The following EDDM13 variants were observed in gnomAD, a reference collection of about 807,000 sequenced individuals.
The protein encoded by EDDM13 is epididymal protein 13.
Under a neutral mutation model 17.8 loss-of-function variants are expected in EDDM13, and 24 were observed. The ratio of observed to expected loss-of-function variants is 1.35; its 90% CI spans 0.98 to 1.90. The LOEUF (loss-of-function observed/expected upper bound fraction) is 1.90, where lower values mean the gene tolerates loss of function less well. EDDM13 is among the 40% of genes most tolerant of loss of function. EDDM13 has a pLI of 0.00. For synonymous variants in EDDM13, 31 were observed against 37.5 expected, an observed-to-expected ratio of 0.83 and a Z score of 0.63; for missense variants, 97 against 100.8, an observed-to-expected ratio of 0.96 and a Z score of 0.16.
At position 56,302,003 on chromosome 19, in the gene EDDM13, C is replaced by G; in HGVS notation, c.331C>G (p.Pro111Ala). 8.1e-7 allele frequency: 1 copy of G among 1,232,076 alleles called. No homozygotes were observed. Among genetic ancestry groups the G allele is most frequent in the Non-Finnish European group, 1.0e-6 (1 of 988,282 alleles). The allele number at this position is 1,232,076 out of a possible 1,614,324, so 76.3% of individuals were successfully genotyped here. Residue 111 changes from proline to alanine, a missense_variant, in exon 13 of 15, where the codon CCA becomes GCA. Coordinates refer to ENST00000649256, the MANE Select transcript of EDDM13 (RefSeq NM_001354658.2). The part of the protein sequence containing the change: ...PFSGTTPSRK[P>A]LPKRKNTWNF... ...CTCAGGCACCACCCCATCCAGGAAA[C>G]CACTCCCCAAGAGGAAGAACACGTG...
intron 6 of EDDM13, among the ~76,000 whole-genome samples, chr19:56,286,952 G>A (rs1016162682): frequency 5.3e-5 from 8 of 152,204 alleles, no homozygotes; most frequent in Non-Finnish European, 1.2e-4. Context: ...TTTTCTTCCC[G>A]GTAAACCAGG....
At position 56,284,222 on chromosome 19, in the gene EDDM13, CT is replaced by C; in HGVS notation, c.127+18del. On this transcript the variant is annotated intron_variant, in intron 5 of 14. Coordinates refer to ENST00000649256, the MANE Select transcript of EDDM13 (RefSeq NM_001354658.2). ...GGGATCATAGGTAAGTACCTTGCCACTTCACAATGCCCCCAGACTGTGCACT... is the reference window on the plus strand; with the variant it reads ...GGGATCATAGGTAAGTACCTTGCCACTCACAATGCCCCCAGACTGTGCACT... The C allele has an allele frequency of 1.0e-6, 1 of 978,498 alleles. No individual in the cohort carries two copies. Among genetic ancestry groups the C allele is most frequent in the Non-Finnish European group, 1.2e-6 (1 of 823,688 alleles). The allele number at this position is 978,498 out of a possible 1,614,324, so 60.6% of individuals were successfully genotyped here.
intron 9 of EDDM13, among the ~76,000 whole-genome samples, 104 bp downstream of exon 9, chr19:56,290,950 G>T (rs900708689): frequency 8.5e-5 from 13 of 152,166 alleles, no homozygotes; most frequent in South Asian, 2.1e-4. Context: ...TCTTCTCAAT[G>T]TAGAACACAA....
intron 13 of EDDM13, 83 bp from the exon 14 acceptor site, chr19:56,304,710 G>A (rs1362691960): frequency 1.2e-6 from 1 of 812,138 alleles, no homozygotes; most frequent in South Asian, 5.6e-5. Flanking sequence ...GGGGGATGGG[G>A]AGAAAGGGAG....
At chr19:56,274,077 T>C (rs892273048) in intron 1 of EDDM13, among the ~76,000 whole-genome samples, 3 of 152,168 alleles carry the variant, frequency 2.0e-5, no homozygotes, top group African/African-American at 7.2e-5. Flanking sequence ...TGGTTGGGGA[T>C]AGAGAAGCAT....
At chr19:56,307,316 TGCAG>T (rs2040757014) in intron 14 of EDDM13, among the ~76,000 whole-genome samples, 1 of 152,186 alleles carries the variant, frequency 6.6e-6, no homozygotes, top group Non-Finnish European at 1.5e-5. Context: ...CACCCCCTGC[TGCAG>T]TCCTGCTTAA....
chr19:56,294,429 T>C (rs2039723632), intron 9 of EDDM13, among the ~76,000 whole-genome samples: 1 of 152,212 alleles, frequency 6.6e-6, no homozygotes, highest in African/African-American at 2.4e-5. Context: ...ACCTGATTAA[T>C]GGAGATAATA....
rs752555827 is a variant in EDDM13 at position 56,302,532 on chromosome 19, C to CCCCGTTCCTCCCTCCCTCCCCTCTTCCTT, written c.423+437_423+438insCCCGTTCCTCCCTCCCTCCCCTCTTCCTT. Among the ~76,000 whole-genome samples the CCCCGTTCCTCCCTCCCTCCCCTCTTCCTT allele has an allele frequency of 3.0e-3, 81 of 26,662 alleles. 2 individuals are homozygous for CCCCGTTCCTCCCTCCCTCCCCTCTTCCTT. Among genetic ancestry groups the CCCCGTTCCTCCCTCCCTCCCCTCTTCCTT allele is most frequent in the Non-Finnish European group, 4.7e-3 (36 of 7,588 alleles). 17.5% of individuals were successfully genotyped at this position (26,662 alleles called of 152,430 possible). ...TTCTTTCCTTCCTCCCTCCCTCCCTCTTCTTCCTCCCCGTTCCTCCCTCCC... is the reference window on the plus strand; with the variant it reads ...TTCTTTCCTTCCTCCCTCCCTCCCTCCCCGTTCCTCCCTCCCTCCCCTCTTCCTTTTCTTCCTCCCCGTTCCTCCCTCCC... On this transcript the variant is annotated intron_variant, in intron 13 of 14. Transcript: ENST00000649256.
chr19:56,293,719 C>A (rs1706530904), intron 9 of EDDM13, among the ~76,000 whole-genome samples: 1 of 152,144 alleles, frequency 6.6e-6, no homozygotes, highest in South Asian at 2.1e-4. Flanking sequence ...CCTCAGGGGA[C>A]ACCTGGCAAT....
intron 13 of EDDM13, 77 bp from the exon 14 acceptor site, chr19:56,304,716 G>A (rs950692045): frequency 1.2e-6 from 1 of 852,446 alleles, no homozygotes; most frequent in Non-Finnish European, 1.4e-6. Flanking sequence ...TGGGGAGAAA[G>A]GGAGGTAAGG....
chr19:56,282,142 A>C (rs775334107), intron 3 of EDDM13, among the ~76,000 whole-genome samples: 14 of 152,088 alleles, frequency 9.2e-5, no homozygotes, highest in Non-Finnish European at 2.1e-4. Flanking sequence ...CCTTTCCCAG[A>C]ATTAACATCC....
At chr19:56,299,144 T>C (rs1156470503) in intron 12 of EDDM13, among the ~76,000 whole-genome samples, 8 of 152,220 alleles carry the variant, frequency 5.3e-5, no homozygotes, top group Admixed American at 5.2e-4. Context: ...ACATTATTTT[T>C]TTTTTGAGAC....
intron 5 of EDDM13, 146 bp from the exon 6 acceptor site, chr19:56,284,852 G>T: frequency 5.0e-6 from 1 of 201,312 alleles, no homozygotes; most frequent in Non-Finnish European, 8.8e-6. Context: ...GATTAAGTGG[G>T]AATAATGAGG....
At chr19:56,305,925 G>A (rs781645882) in intron 14 of EDDM13, among the ~76,000 whole-genome samples, 2 of 151,556 alleles carry the variant, frequency 1.3e-5, no homozygotes, top group Non-Finnish European at 2.9e-5. Context: ...GCCCTGGGGT[G>A]GAAAGTGGCC....
At position 56,301,999 on chromosome 19, in the gene EDDM13, G is replaced by C. The variant is rs2040265440; in HGVS notation, c.327G>C (p.Arg109Ser). Residue 109 changes from arginine to serine, a missense_variant, in exon 13 of 15, where the codon AGG becomes AGC. Physicochemically the swap from Arg to Ser is moderately radical, Grantham distance 110. Coordinates refer to ENST00000649256, the MANE Select transcript of EDDM13 (RefSeq NM_001354658.2). ...VKPFSGTTPS[R>S]KPLPKRKNTW... The stretch of plus-strand genomic sequence containing the variant: ...CCTTCTCAGGCACCACCCCATCCAG[G>C]AAACCACTCCCCAAGAGGAAGAACA... The C allele has an allele frequency of 1.6e-6, 2 of 1,232,116 alleles. No homozygotes were observed. Among genetic ancestry groups the C allele is most frequent in the African/African-American group, 3.1e-5 (2 of 64,508 alleles). The allele number at this position is 1,232,116 out of a possible 1,614,324, so 76.3% of individuals were successfully genotyped here. A position where few individuals can be genotyped will look rare whatever the true frequency, so the allele number is the denominator to read the frequency against.
At chr19:56,273,740 G>A (rs1457551357) in intron 1 of EDDM13, among the ~76,000 whole-genome samples, 1 of 152,142 alleles carries the variant, frequency 6.6e-6, no homozygotes, top group African/African-American at 2.4e-5. Flanking sequence ...AGTAAGAAGA[G>A]ACAGGAGGCA....
intron 13 of EDDM13, chr19:56,302,939 CCA>C: frequency 2.5e-6 from 1 of 398,476 alleles, no homozygotes; most frequent in Admixed American, 4.4e-5. Flanking sequence ...AGGCAGACAT[CCA>C]CAGAGAGAAC....
At chr19:56,308,222 C>G (rs1009959953) in intron 14 of EDDM13, among the ~76,000 whole-genome samples, 3 of 151,568 alleles carry the variant, frequency 2.0e-5, no homozygotes, top group Non-Finnish European at 2.9e-5. Flanking sequence ...TTAGTAGAGA[C>G]GGGGTTTCAC....
intron 12 of EDDM13, among the ~76,000 whole-genome samples, chr19:56,301,021 C>T (rs2040192299): frequency 6.6e-6 from 1 of 152,094 alleles, no homozygotes; most frequent in Admixed American, 6.5e-5. Context: ...CCATCAAGAG[C>T]AGAGCCTGAA....
Sources: allele counts gnomAD v4.1 joint callset (sites outside exome capture counted in the v4.1 genomes callset), GRCh38; gene constraint gnomAD v4.1.1; transcripts MANE v1.5; gene names NCBI Gene and HGNC (gene_info 2026-07-23, HGNC 2026-07-21).